Variants in ACLY observed in about 807,000 individuals in gnomAD.
ACLY encodes ATP-citrate synthase.
ACLY carries 41 observed loss-of-function variants against 133.0 expected under a neutral mutation model. The ratio of observed to expected loss-of-function variants is 0.31; its 90% confidence interval spans 0.24 to 0.40. The LOEUF is 0.40. Ranked by LOEUF, ACLY falls within the 10% of genes least tolerant of loss-of-function variation. ACLY has a pLI of 1.00. For missense variants in ACLY, 1,046 were observed against 1,453.8 expected, an observed-to-expected ratio of 0.72 and a Z score of 4.56; for synonymous variants, 495 against 549.3, an observed-to-expected ratio of 0.90 and a Z score of 1.38.
intron 19 of ACLY, among the ~76,000 whole-genome samples, chr17:41,883,573 T>C (rs2048974476): frequency 7.8e-6 from 1 of 127,668 alleles, no homozygotes; most frequent in Non-Finnish European, 1.6e-5. Context: ...AAAAAGCGCT[T>C]TTTTTTTGCT....
chr17:41,890,535 A>T (rs1211406840), intron 16 of ACLY, among the ~76,000 whole-genome samples: 2 of 151,588 alleles, frequency 1.3e-5, no homozygotes, highest in Non-Finnish European at 2.9e-5. Flanking sequence ...ATACAAAAAA[A>T]AAATTAGCCG....
chr17:41,900,561 ATTTT>A (rs546570598), intron 11 of ACLY, among the ~76,000 whole-genome samples: 1 of 145,572 alleles, frequency 6.9e-6, no homozygotes, highest in African/African-American at 2.5e-5. Flanking sequence ...CTCACAACAA[ATTTT>A]TTTTTTTTAA....
intron 23 of ACLY, 104 bp from the exon 24 acceptor site, chr17:41,872,286 C>A: frequency 8.8e-7 from 1 of 1,142,162 alleles, no homozygotes; most frequent in Non-Finnish European, 1.3e-6. Flanking sequence ...GGGTAACTAC[C>A]AATCCAAGTC....
chr17:41,905,849 G>A (rs2049699972), intron 8 of ACLY, among the ~76,000 whole-genome samples, 191 bp from the exon 9 acceptor site: 1 of 152,180 alleles, frequency 6.6e-6, no homozygotes, highest in South Asian at 2.1e-4. Context: ...AGACTCTTCT[G>A]GGCAGTGCAC....
In ACLY at chr17:41,896,612, C is replaced by T. The variant is rs1555630436; in HGVS notation, c.1459+8G>A. On this transcript the variant is annotated splice_region_variant and intron_variant, in intron 14 of 28. Coordinates refer to ENST00000352035, the MANE Select transcript of ACLY (RefSeq NM_001096.3). The stretch of plus-strand genomic sequence containing the variant: ...ACGCGGAGTGGGGGCAGGGTGGGGG[C>T]ATCCTACCTTGCAGGGATCTTGGAC... 6.4e-7 allele frequency: 1 copy of T among 1,559,446 alleles called. No individual in the cohort carries two copies. Among genetic ancestry groups the T allele is most frequent in the South Asian group, 1.2e-5 (1 of 82,402 alleles).
intron 20 of ACLY, among the ~76,000 whole-genome samples, chr17:41,880,468 T>C (rs782737175): frequency 7.9e-5 from 12 of 152,214 alleles, no homozygotes; most frequent in Non-Finnish European, 1.2e-4. Flanking sequence ...GAAGAGAGTC[T>C]ATACTCAGAA....
chr17:41,919,173 T>C (rs1234569762), upstream of ACLY, among the ~76,000 whole-genome samples: 1 of 152,020 alleles, frequency 6.6e-6, no homozygotes, highest in East Asian at 1.9e-4. Context: ...CACCGCCTCT[T>C]GGGAGCCTGC....
At chr17:41,907,692 A>C in intron 6 of ACLY, 120 bp from the exon 7 acceptor site, 2 of 1,158,202 alleles carry the variant, frequency 1.7e-6, no homozygotes, top group Non-Finnish European at 1.2e-6. Flanking sequence ...GAACTCTCTA[A>C]GCTCAGTAAG....
chr17:41,915,138 AAG>A (rs1184104590), intron 1 of ACLY, among the ~76,000 whole-genome samples: 6 of 152,094 alleles, frequency 3.9e-5, no homozygotes, highest in African/African-American at 1.2e-4. Flanking sequence ...TTTCACTTCA[AAG>A]AGTCTATGAT....
chr17:41,900,344 C>G (rs1392267587), intron 11 of ACLY, among the ~76,000 whole-genome samples: 2 of 148,814 alleles, frequency 1.3e-5, no homozygotes, highest in African/African-American at 5.0e-5. Flanking sequence ...GCCTGGGTAA[C>G]AGAGCGAGAC....
At chr17:41,880,741 C>G (rs1010988177) in intron 20 of ACLY, among the ~76,000 whole-genome samples, 1 of 151,932 alleles carries the variant, frequency 6.6e-6, no homozygotes, top group Non-Finnish European at 1.5e-5. Flanking sequence ...TGGTGGGCGT[C>G]TGTAATCCCA....
intron 20 of ACLY, among the ~76,000 whole-genome samples, chr17:41,881,098 GGGGGGAGAGCAATGGAGTT>G (rs1196709769): frequency 1.3e-5 from 2 of 151,762 alleles, no homozygotes; most frequent in South Asian, 4.2e-4. Flanking sequence ...GTACAGAGTT[GGGGGGAGAGCAATGGAGTT>G]GGGGGAGAGC....
rs2049689581 is a variant in ACLY at position 41,905,558 on chromosome 17, T to G, written c.967A>C (p.Ile323Leu). ...TTCTCTCGGGTCATGAGGGAGAGGA[T>G]AGTCTTGGCATAGTCATAGGTCTGC... is the stretch of plus-strand genomic sequence containing the variant. ...EQQTYDYAKT[I>L]LSLMTREKHP... The change falls in exon 9 of 29, where the codon ATC becomes CTC. Residue 323 changes from isoleucine (I) to leucine (L), a missense_variant. By Grantham distance (5) the Ile-to-Leu change is conservative. This residue lies in a region of ACLY where 575 missense variants were observed against 804.2 expected (regional missense o/e 0.71). Coordinates refer to ENST00000352035, the MANE Select transcript of ACLY (RefSeq NM_001096.3). The G allele has an allele frequency of 6.2e-7, 1 of 1,614,086 alleles. No individual in the cohort carries two copies. The highest frequency in any genetic ancestry group is 1.3e-5 in the African/African-American group (1 of 74,916).
chr17:41,927,895 G>A (rs2050262151), intron 1 of ACLY, among the ~76,000 whole-genome samples: 2 of 151,652 alleles, frequency 1.3e-5, no homozygotes, highest in African/African-American at 2.4e-5. Flanking sequence ...CTGGCACTTT[G>A]AGAGGCCGCG....
At chr17:41,868,470 A>G (rs1437794240) in intron 28 of ACLY, among the ~76,000 whole-genome samples, 5 of 151,070 alleles carry the variant, frequency 3.3e-5, no homozygotes, top group Admixed American at 6.6e-5. Context: ...TGGGCTAGCA[A>G]TCATTTCTAA....
In ACLY at chr17:41,909,586, C is replaced by A; in HGVS notation, c.460G>T (p.Val154Phe). 6.2e-7 allele frequency: 1 copy of A among 1,614,214 alleles called. No homozygotes were observed. Among genetic ancestry groups the A allele is most frequent in the East Asian group, 2.2e-5 (1 of 44,884 alleles). ...DVDAKAQKLLVGVDEKLNPED... is the reference protein window; with the variant it reads ...DVDAKAQKLLFGVDEKLNPED... ...GGATTCAGTTTCTCATCCACGCCAA[C>A]AAGCAGCTTCTGGGCCTTGGCGTCC... Residue 154 changes from valine to phenylalanine, a missense_variant, in exon 5 of 29, where the codon GTT becomes TTT. Physicochemically the swap from Val to Phe is conservative, Grantham distance 50. Around this residue, in one of 4 missense-constraint regions of ACLY, gnomAD observed 227 missense variants for 245.6 expected, o/e 0.92. Coordinates refer to ENST00000352035, the MANE Select transcript of ACLY (RefSeq NM_001096.3).
rs371523591 is a variant in ACLY at position 41,913,878 on chromosome 17, G to A, written c.-5C>T. ...TGAAATTGCCTTGGCCGACATGGCT[G>A]CAGAGAGACCTGCTCTACCTGTCTG... is the stretch of plus-strand genomic sequence containing the variant. On this transcript the variant is annotated 5_prime_UTR_variant, in exon 2 of 29. Transcript: ENST00000352035. 25 of 1,614,070 alleles carry A rather than the reference G, an allele frequency of 1.5e-5. No individual in the cohort carries two copies. The African/African-American group carries it at 1.9e-4, about 12-fold the overall frequency.
chr17:41,929,533 C>T (rs2050288411), intron 1 of ACLY, among the ~76,000 whole-genome samples: 2 of 152,180 alleles, frequency 1.3e-5, no homozygotes, highest in Non-Finnish European at 2.9e-5. Flanking sequence ...ACTTTGTCCT[C>T]ATCTCCCTCA....
intron 1 of ACLY, among the ~76,000 whole-genome samples, chr17:41,916,431 T>C (rs996596938): frequency 5.9e-5 from 9 of 151,666 alleles, no homozygotes; most frequent in Non-Finnish European, 8.8e-5. Flanking sequence ...TGGCGTGCAG[T>C]GGAGTGATCT....
Sources: allele counts gnomAD v4.1 joint callset (sites outside exome capture counted in the v4.1 genomes callset), GRCh38; gene constraint gnomAD v4.1.1; regional missense constraint gnomAD v4.1.1; transcripts MANE v1.5; gene names NCBI Gene and HGNC (gene_info 2026-07-23, HGNC 2026-07-21).